Variants in L3HYPDH observed in about 807,000 individuals in gnomAD.
L3HYPDH encodes the protein trans-L-3-hydroxyproline dehydratase, also known as trans-3-hydroxy-L-proline dehydratase.
Under a neutral mutation model 26.5 loss-of-function variants are expected in L3HYPDH, and 32 were observed. That is an observed-to-expected ratio of 1.21 (90% CI 0.91 to 1.62). The LOEUF (loss-of-function observed/expected upper bound fraction) is 1.62, where lower values mean the gene tolerates loss of function less well. L3HYPDH is among the 40% of genes most tolerant of loss of function. L3HYPDH has a pLI of 0.00. For synonymous variants in L3HYPDH, 215 were observed against 196.6 expected (o/e 1.09, Z -0.78); for missense variants, 554 against 476.4 (o/e 1.16, Z -1.52).
the L3HYPDH span, chr14:59,499,027 T>C: frequency 1.9e-6 from 1 of 518,700 alleles, no homozygotes; most frequent in Non-Finnish European, 3.1e-6. Flanking sequence ...TTTTTTTTTT[T>C]TTTTTTTTTT....
At chr14:59,487,572 A>G, upstream of L3HYPDH, 1 of 862,140 alleles carries the variant, frequency 1.2e-6, no homozygotes, top group South Asian at 1.9e-5. Flanking sequence ...ATGTAAACTT[A>G]AATATTTAAA....
At chr14:59,471,834 G>A (rs1315665739), downstream of L3HYPDH, among the ~76,000 whole-genome samples, 3 of 149,206 alleles carry the variant, frequency 2.0e-5, no homozygotes, top group East Asian at 6.0e-4. Flanking sequence ...TATTGTTAGT[G>A]ATGTCATTTT....
Position 59,483,907 on chromosome 14 carries a change from C to A in L3HYPDH, c.410G>T (p.Cys137Phe), listed in dbSNP as rs755096382. Residue 137 changes from cysteine (C) to phenylalanine (F), a missense_variant, in exon 1 of 5, where the codon TGC becomes TTC. By Grantham distance (205) the Cys-to-Phe change is radical (BLOSUM62 -2). Coordinates refer to ENST00000247194, the MANE Select transcript of L3HYPDH (RefSeq NM_144581.2). Reference protein sequence around the residue: ...GTREARVNIHCPCGLVTAFVA... With the variant: ...GTREARVNIHFPCGLVTAFVA... ...GAAGGCGGTCACCAGCCCGCAGGGG[C>A]AGTGGATATTGACGCGGGCCTCGCG... 1 of 1,561,734 alleles carries A rather than the reference C, an allele frequency of 6.4e-7. No homozygotes were observed. The highest frequency in any genetic ancestry group is 8.6e-7 in the Non-Finnish European group (1 of 1,159,888).
the L3HYPDH span, among the ~76,000 whole-genome samples, chr14:59,499,253 C>G: frequency 6.6e-6 from 1 of 151,754 alleles, no homozygotes; most frequent in Admixed American, 6.6e-5. Context: ...ATCTCGATCT[C>G]CTGACCTCAT....
chr14:59,486,504 G>C (rs192333874), upstream of L3HYPDH, among the ~76,000 whole-genome samples: 8 of 152,294 alleles, frequency 5.3e-5, no homozygotes, highest in Non-Finnish European at 1.0e-4. Flanking sequence ...CATAAGGCAC[G>C]GTATTAACAG....
upstream of L3HYPDH, chr14:59,484,421 C>G (rs1890335751): frequency 1.4e-6 from 2 of 1,390,026 alleles, no homozygotes; most frequent in Non-Finnish European, 2.0e-6. Flanking sequence ...CCAGCCACGT[C>G]CGGGGGGCGG....
At chr14:59,482,059 T>C (rs1225103999) in intron 1 of L3HYPDH, among the ~76,000 whole-genome samples, 2 of 152,230 alleles carry the variant, frequency 1.3e-5, no homozygotes, top group African/African-American at 4.8e-5. Context: ...CAAACATTCA[T>C]TGACTGACTA....
At chr14:59,473,262 T>G (rs1159008208) in intron 4 of L3HYPDH, among the ~76,000 whole-genome samples, 172 bp from the exon 5 acceptor site, 1 of 152,186 alleles carries the variant, frequency 6.6e-6, no homozygotes, top group Admixed American at 6.5e-5. Flanking sequence ...TTTAGATAAC[T>G]GTAGCTGTAA....
At chr14:59,468,796 A>G (rs1399214571), downstream of L3HYPDH, among the ~76,000 whole-genome samples, 1 of 152,226 alleles carries the variant, frequency 6.6e-6, no homozygotes, top group East Asian at 1.9e-4. Flanking sequence ...TCTGGAATTT[A>G]GGAGACCACT....
upstream of L3HYPDH, chr14:59,487,843 A>G (rs371104435): frequency 1.2e-4 from 197 of 1,610,250 alleles, no homozygotes; most frequent in African/African-American, 2.0e-3. Flanking sequence ...GCACATTTCT[A>G]TGAACATATC....
chr14:59,501,547 A>G, the L3HYPDH span, among the ~76,000 whole-genome samples: 1 of 152,216 alleles, frequency 6.6e-6, no homozygotes, highest in Non-Finnish European at 1.5e-5. Flanking sequence ...TAGCAAACAT[A>G]TAATTATTGA....
At chr14:59,486,762 A>G (rs974552051), upstream of L3HYPDH, 1 of 1,595,730 alleles carries the variant, frequency 6.3e-7, no homozygotes, top group South Asian at 1.1e-5. Flanking sequence ...GGAAGACCCT[A>G]TTATTTAAAA....
chr14:59,477,259 T>C (rs569692384), intron 2 of L3HYPDH, among the ~76,000 whole-genome samples: 23 of 152,372 alleles, frequency 1.5e-4, no homozygotes, highest in African/African-American at 5.5e-4. Context: ...GCAGAATGTC[T>C]AACATATATA....
downstream of L3HYPDH, among the ~76,000 whole-genome samples, chr14:59,467,701 T>C (rs1889229601): frequency 6.6e-6 from 1 of 152,174 alleles, no homozygotes; most frequent in African/African-American, 2.4e-5. Context: ...CTACTTGGCA[T>C]CTCTCTCCTT....
chr14:59,466,627 G>A (rs1229397351), intron 1 of L3HYPDH, among the ~76,000 whole-genome samples: 1 of 152,196 alleles, frequency 6.6e-6, no homozygotes, highest in Non-Finnish European at 1.5e-5. Flanking sequence ...AGAATGACTA[G>A]TATATTTGTA....
the L3HYPDH span, chr14:59,495,117 T>A: frequency 6.2e-7 from 1 of 1,613,640 alleles, no homozygotes; most frequent in Non-Finnish European, 8.5e-7. Context: ...TTCTTTATAT[T>A]CGTTCATGTC....
the L3HYPDH span, among the ~76,000 whole-genome samples, chr14:59,491,652 T>G: frequency 6.6e-6 from 1 of 152,200 alleles, no homozygotes; most frequent in Admixed American, 6.5e-5. Flanking sequence ...ATGAAATAAC[T>G]AAAGTCTGGG....
chr14:59,494,175 T>A, the L3HYPDH span, among the ~76,000 whole-genome samples: 1 of 151,938 alleles, frequency 6.6e-6, no homozygotes, highest in African/African-American at 2.4e-5. Flanking sequence ...AAGGACTTTT[T>A]AAAACATTTA....
intron 2 of L3HYPDH, 118 bp downstream of exon 2, chr14:59,479,064 T>TA: frequency 1.3e-6 from 1 of 781,738 alleles, no homozygotes; most frequent in Non-Finnish European, 1.9e-6. Context: ...ATAAGTACCC[T>TA]ATTCTTAGTA....
Sources: allele counts gnomAD v4.1 joint callset (sites outside exome capture counted in the v4.1 genomes callset), GRCh38; gene constraint gnomAD v4.1.1; transcripts MANE v1.5; gene names NCBI Gene and HGNC (gene_info 2026-07-23, HGNC 2026-07-21).